VWDE: variants seen among roughly 807,000 people sequenced by gnomAD.
The protein encoded by VWDE is von Willebrand factor D and EGF domains.
In VWDE, 207 loss-of-function variants were observed where a neutral mutation model predicts 178.4. The observed-to-expected ratio is 1.16, with a 90% CI of 1.04 to 1.30. The LOEUF is 1.30. VWDE is among the 50% of genes most tolerant of loss of function. VWDE has a pLI of 0.00. For synonymous variants in VWDE, 738 were observed against 651.4 expected (o/e 1.13, Z -2.02); for missense variants, 2,287 against 1,901.3 (o/e 1.20, Z -3.77).
chr7:12,386,741 C>G (rs1784117110), intron 3 of VWDE, among the ~76,000 whole-genome samples: 1 of 152,300 alleles, frequency 6.6e-6, no homozygotes, highest in Admixed American at 6.5e-5. Context: ...ATTTCATCCT[C>G]TCTCACCTTC....
At chr7:12,402,575 T>C (rs962494765) in intron 1 of VWDE, among the ~76,000 whole-genome samples, 10 of 152,166 alleles carry the variant, frequency 6.6e-5, no homozygotes, top group African/African-American at 1.9e-4. Flanking sequence ...TTATAAACAT[T>C]GGTCATTTTT....
At chr7:12,391,604 A>AT (rs553328337) in intron 2 of VWDE, among the ~76,000 whole-genome samples, 21 of 152,214 alleles carry the variant, frequency 1.4e-4, no homozygotes, top group Admixed American at 2.6e-4. Context: ...TAAATTCTGA[A>AT]TTTTTTTTAG....
In VWDE at chr7:12,370,160, CA is replaced by C; in HGVS notation, c.2145del (p.Gly716GlufsTer27). The part of the protein sequence containing the change: ...TKLGLNVQKH[P>X]GNEKEDSLQY... ...TGTAGTGAATCTTCTTTCTCATTTC[CA>C]GGATGTTTTTGTACATTTAAGCCGA... On this transcript the variant is annotated frameshift_variant, in exon 12 of 29. Coordinates refer to ENST00000275358, the MANE Select transcript of VWDE (RefSeq NM_001135924.3). LOFTEE classifies it high-confidence loss of function. 6.4e-7 allele frequency: 1 copy of C among 1,551,370 alleles called. No homozygotes were observed. The highest frequency in any genetic ancestry group is 8.7e-7 in the Non-Finnish European group (1 of 1,146,870).
chr7:12,388,223 C>G (rs578017055), intron 3 of VWDE, among the ~76,000 whole-genome samples: 1 of 152,112 alleles, frequency 6.6e-6, no homozygotes, highest in African/African-American at 2.4e-5. Context: ...CATTATTAGA[C>G]TAGGATTATG....
chr7:12,340,530 A>G, intron 23 of VWDE, 113 bp from the exon 24 acceptor site: 1 of 700,862 alleles, frequency 1.4e-6, no homozygotes. Flanking sequence ...TACTGCAAGT[A>G]AAGCCCATAA....
At chr7:12,359,826 G>T in intron 15 of VWDE, 134 bp from the exon 16 acceptor site, 1 of 545,084 alleles carries the variant, frequency 1.8e-6, no homozygotes. Context: ...CTTCATAATC[G>T]TAAGTGCATA....
Position 12,377,939 on chromosome 7 carries a change from T to C in VWDE, c.880-19A>G. 1.5e-6 allele frequency: 2 copies of C among 1,352,646 alleles called. No individual in the cohort carries two copies. Among genetic ancestry groups the C allele is most frequent in the Non-Finnish European group, 1.9e-6 (2 of 1,045,862 alleles). The allele number at this position is 1,352,646 out of a possible 1,614,324, so 83.8% of individuals were successfully genotyped here. A position where few individuals can be genotyped will look rare whatever the true frequency, so the allele number is the denominator to read the frequency against. On this transcript the variant is annotated intron_variant, in intron 6 of 28. Transcript: ENST00000275358. ...GCTGTAGCTGGTATAAGAAAATACG[T>C]AGAAAAATTATGTTAAAATATAATT... is the stretch of plus-strand genomic sequence containing the variant.
Position 12,373,692 on chromosome 7 carries a change from C to T in VWDE, c.1317-445G>A, listed in dbSNP as rs558475534. Among the ~76,000 whole-genome samples, 18 of 152,212 alleles carry T rather than the reference C, an allele frequency of 1.2e-4. 1 individual carries two copies. The South Asian group carries it at 3.7e-3, about 32-fold the overall frequency. On this transcript the variant is annotated intron_variant, in intron 9 of 28. Coordinates refer to ENST00000275358, the MANE Select transcript of VWDE (RefSeq NM_001135924.3). ...TAAATGTGTTTATATCTCTCTTCCCCTTTGCAAAAGCCAGCTCCATGAGGG... is the reference window on the plus strand; with the variant it reads ...TAAATGTGTTTATATCTCTCTTCCCTTTTGCAAAAGCCAGCTCCATGAGGG...
At chr7:12,398,314 C>A (rs1387215155) in intron 1 of VWDE, among the ~76,000 whole-genome samples, 1 of 152,146 alleles carries the variant, frequency 6.6e-6, no homozygotes, top group East Asian at 1.9e-4. Context: ...ACTGTCTTAT[C>A]TGAGTTCCTT....
rs1785034373 is a variant in VWDE at position 12,403,812 on chromosome 7, G to A, written c.-96C>T. ...AGCAGCCCCTCGGGCCTCCTTTCTT[G>A]GATTTTCTCAGTCTGTTGCTGCTTG... On this transcript the variant is annotated 5_prime_UTR_variant, in exon 1 of 29. Coordinates refer to ENST00000275358, the MANE Select transcript of VWDE (RefSeq NM_001135924.3). 7.5e-7 allele frequency: 1 copy of A among 1,338,690 alleles called. No individual in the cohort carries two copies. Among genetic ancestry groups the A allele is most frequent in the Non-Finnish European group, 1.0e-6 (1 of 964,364 alleles). 82.9% of individuals were successfully genotyped at this position (1,338,690 alleles called of 1,614,324 possible). A position where few individuals can be genotyped will look rare whatever the true frequency, so the allele number is the denominator to read the frequency against.
Position 12,373,127 on chromosome 7 carries a change from A to G in VWDE, c.1437T>C (p.Cys479=). 1.9e-6 allele frequency: 3 copies of G among 1,551,420 alleles called. No individual in the cohort carries two copies. The highest frequency in any genetic ancestry group is 2.6e-6 in the Non-Finnish European group (3 of 1,146,826). ...CACCTCCTTCCTGGGCAACAAACCCACAATTACATGACACTGGATAGTGAA... is the reference window on the plus strand; with the variant it reads ...CACCTCCTTCCTGGGCAACAAACCCGCAATTACATGACACTGGATAGTGAA... ...RSLHYPVSCN[C]GFVAQEGGDI... is the part of the protein sequence containing the mutation. The change falls in exon 10 of 29, where the codon TGT becomes TGC. Residue 479 remains cysteine (C), a synonymous_variant. Transcript: ENST00000275358.
At chr7:12,352,160 A>C (rs969782879) in intron 18 of VWDE, among the ~76,000 whole-genome samples, 1 of 152,176 alleles carries the variant, frequency 6.6e-6, no homozygotes, top group African/African-American at 2.4e-5. Context: ...CTGTGAGAAA[A>C]TAAATTTCTG....
chr7:12,351,856 T>C, intron 18 of VWDE, 143 bp from the exon 19 acceptor site: 2 of 691,956 alleles, frequency 2.9e-6, no homozygotes, highest in Non-Finnish European at 4.5e-6. Flanking sequence ...TCATCTCTTC[T>C]GCACACTTTT....
chr7:12,333,352 C>A, intron 28 of VWDE, 113 bp downstream of exon 28: 3 of 699,392 alleles, frequency 4.3e-6, no homozygotes, highest in South Asian at 2.5e-5. Context: ...CAAATAAATG[C>A]TTTTTTTATT....
At chr7:12,331,942 T>C (rs1780743110) in intron 28 of VWDE, among the ~76,000 whole-genome samples, 1 of 152,152 alleles carries the variant, frequency 6.6e-6, no homozygotes, top group Non-Finnish European at 1.5e-5. Context: ...ATTGAAATTC[T>C]AGCAATGCAA....
intron 13 of VWDE, among the ~76,000 whole-genome samples, chr7:12,365,864 T>A (rs2128554404): frequency 6.6e-6 from 1 of 152,230 alleles, no homozygotes; most frequent in Non-Finnish European, 1.5e-5. Context: ...AACATCTTTC[T>A]TTCTATAGTT....
chr7:12,362,949 T>C (rs889923695), intron 13 of VWDE, among the ~76,000 whole-genome samples: 1 of 152,102 alleles, frequency 6.6e-6, no homozygotes, highest in African/African-American at 2.4e-5. Context: ...ACTGGCAATA[T>C]AGAGATTATT....
rs1243117262 is a variant in VWDE, at chr7:12,336,385, T to A, written c.4559-149A>T. 1.2e-5 allele frequency: 8 copies of A among 654,110 alleles called. No individual in the cohort carries two copies. In the Admixed American group the frequency reaches 2.6e-4, roughly 22 times the overall value. 40.5% of individuals were successfully genotyped at this position (654,110 alleles called of 1,614,324 possible). A position where few individuals can be genotyped will look rare whatever the true frequency, so the allele number is the denominator to read the frequency against. On this transcript the variant is annotated intron_variant, in intron 26 of 28. Coordinates refer to ENST00000275358, the MANE Select transcript of VWDE (RefSeq NM_001135924.3). ...TTTCCCTAATATTTTATCAAGAACATTTTTGAATGTCACTACATATTCTTG... is the reference window on the plus strand; with the variant it reads ...TTTCCCTAATATTTTATCAAGAACAATTTTGAATGTCACTACATATTCTTG...
chr7:12,383,786 A>T (rs1783969389), intron 3 of VWDE, among the ~76,000 whole-genome samples, 185 bp from the exon 4 acceptor site: 1 of 152,170 alleles, frequency 6.6e-6, no homozygotes, highest in Admixed American at 6.5e-5. Context: ...AAGGCATCAT[A>T]TTTCAAAACA....
Sources: allele counts gnomAD v4.1 joint callset (sites outside exome capture counted in the v4.1 genomes callset), GRCh38; gene constraint gnomAD v4.1.1; transcripts MANE v1.5; gene names NCBI Gene and HGNC (gene_info 2026-07-23, HGNC 2026-07-21).